Variants in RIT2 observed in about 807,000 individuals in gnomAD.
RIT2 encodes Ras like without CAAX 2.
In RIT2, 24 loss-of-function variants were observed where a neutral mutation model predicts 23.7. The ratio of observed to expected loss-of-function variants is 1.01; its 90% CI spans 0.73 to 1.43. The LOEUF (loss-of-function observed/expected upper bound fraction) is 1.43. Among genes scored for constraint, RIT2 ranks in the 40% most tolerant of loss-of-function variants. The probability of loss-of-function intolerance (pLI) is 0.00; values close to 1 mark genes in which losing one functional copy is unlikely to be tolerated. For synonymous variants in RIT2, 107 were observed against 91.1 expected (o/e 1.17, Z -0.99); for missense variants, 236 against 266.9 (o/e 0.88, Z 0.81).
intron 4 of RIT2, among the ~76,000 whole-genome samples, chr18:42,798,018 T>C (rs1905424294): frequency 6.6e-6 from 1 of 152,230 alleles, no homozygotes; most frequent in East Asian, 1.9e-4. Flanking sequence ...TCTGTTATTC[T>C]AGATCATGAA....
At chr18:42,797,843 T>C (rs1905418516) in intron 4 of RIT2, among the ~76,000 whole-genome samples, 2 of 152,134 alleles carry the variant, frequency 1.3e-5, no homozygotes, top group African/African-American at 4.8e-5. Context: ...TTTTAGAAAA[T>C]ACTGAAATGG....
In RIT2 at chr18:42,857,145, G is replaced by T. The variant is rs569101542; in HGVS notation, c.426+66427C>A. Reference sequence around the variant, plus strand: ...AAGACGTTTTTAATTATCCAACTAGGGTTAGTTGTGATACTAGCATCTAGT... The same window carrying T: ...AAGACGTTTTTAATTATCCAACTAGTGTTAGTTGTGATACTAGCATCTAGT... On this transcript the variant is annotated intron_variant, in intron 4 of 4. Coordinates refer to ENST00000326695, the MANE Select transcript of RIT2 (RefSeq NM_002930.4). Among the ~76,000 whole-genome samples, 13 of 152,194 alleles carry T rather than the reference G, an allele frequency of 8.5e-5. No homozygotes were observed. In the South Asian group the frequency reaches 2.7e-3, roughly 32 times the overall value.
intron 2 of RIT2, among the ~76,000 whole-genome samples, chr18:42,998,053 T>C (rs1377669846): frequency 1.3e-5 from 2 of 152,168 alleles, no homozygotes; most frequent in Admixed American, 6.5e-5. Context: ...TACATTTTTT[T>C]TAACTTACTT....
At chr18:42,929,035 A>ATATATATATATATATC (rs1491433088) in intron 3 of RIT2, among the ~76,000 whole-genome samples, 1 of 8,298 alleles carries the variant, frequency 1.2e-4, no homozygotes, top group Non-Finnish European at 4.3e-4. Flanking sequence ...AAATATGGAG[A>ATATATATATATATATC]TATATATATA....
chr18:42,807,691 A>G lies in RIT2; in HGVS notation c.427-63971T>C, dbSNP rs73486729. ...TATCCTGAGTGAGAATAAAAACATA[A>G]AACAAAACATTTATAGTGCTTGTGC... On this transcript the variant is annotated intron_variant, in intron 4 of 4. Transcript: ENST00000326695. Among the ~76,000 whole-genome samples the G allele has an allele frequency of 2.7e-3, 413 of 152,266 alleles. 5 individuals are homozygous for G. The highest frequency in any genetic ancestry group is 9.5e-3 in the African/African-American group (396 of 41,554).
At chr18:42,866,466 C>G (rs748204699) in intron 4 of RIT2, among the ~76,000 whole-genome samples, 4 of 152,010 alleles carry the variant, frequency 2.6e-5, no homozygotes, top group Admixed American at 2.0e-4. Context: ...CTGCCTTTCC[C>G]AAGCTCTGAT....
intron 4 of RIT2, among the ~76,000 whole-genome samples, chr18:42,754,884 G>A (rs529577839): frequency 6.6e-6 from 1 of 152,158 alleles, no homozygotes; most frequent in Admixed American, 6.6e-5. Flanking sequence ...CTGTATTTTT[G>A]CTATATTGTG....
At chr18:43,029,765 AGAGCAGAG>A (rs1911813166) in intron 2 of RIT2, among the ~76,000 whole-genome samples, 1 of 152,076 alleles carries the variant, frequency 6.6e-6, no homozygotes, top group Non-Finnish European at 1.5e-5. Context: ...AAGGATTAGG[AGAGCAGAG>A]GAGTAAGATA....
chr18:42,967,967 A>G (rs1910275249), intron 3 of RIT2, among the ~76,000 whole-genome samples: 1 of 152,090 alleles, frequency 6.6e-6, no homozygotes, highest in Non-Finnish European at 1.5e-5. Context: ...TAGTTCTTAA[A>G]ATTTAGATAA....
intron 3 of RIT2, among the ~76,000 whole-genome samples, chr18:42,963,379 C>T (rs892138439): frequency 6.6e-6 from 1 of 152,108 alleles, no homozygotes; most frequent in Non-Finnish European, 1.5e-5. Context: ...ATCTGGAAAT[C>T]CATGAGGGGT....
intron 1 of RIT2, among the ~76,000 whole-genome samples, chr18:43,114,554 T>G (rs539391103): frequency 6.6e-5 from 10 of 152,234 alleles, no homozygotes; most frequent in Middle Eastern, 3.4e-3. Flanking sequence ...ATATTCCCAG[T>G]GGAGATATTT....
chr18:42,903,677 C>G (rs1908538476), intron 4 of RIT2, among the ~76,000 whole-genome samples: 1 of 152,028 alleles, frequency 6.6e-6, no homozygotes, highest in Non-Finnish European at 1.5e-5. Context: ...TAAATCAAGT[C>G]CAGAAACTTT....
At chr18:42,877,680 AC>A (rs1395658323) in intron 4 of RIT2, among the ~76,000 whole-genome samples, 1 of 151,618 alleles carries the variant, frequency 6.6e-6, no homozygotes, top group Non-Finnish European at 1.5e-5. Flanking sequence ...AATCTGAAAT[AC>A]CCCCAAATCC....
intron 3 of RIT2, among the ~76,000 whole-genome samples, chr18:42,967,343 T>C (rs1910252146): frequency 6.6e-6 from 1 of 151,892 alleles, no homozygotes; most frequent in East Asian, 1.9e-4. Context: ...CCTTAAAACA[T>C]ACTGTAGAAA....
intron 1 of RIT2, among the ~76,000 whole-genome samples, chr18:43,046,227 T>C (rs1912243505): frequency 6.6e-6 from 1 of 152,176 alleles, no homozygotes; most frequent in African/African-American, 2.4e-5. Context: ...CTGTATGACA[T>C]CTGTTCAAAT....
chr18:42,785,176 A>G (rs983475531), intron 4 of RIT2, among the ~76,000 whole-genome samples: 7 of 152,092 alleles, frequency 4.6e-5, no homozygotes, highest in African/African-American at 1.7e-4. Flanking sequence ...CCTATTTTCC[A>G]GAGCTAGTTG....
intron 4 of RIT2, among the ~76,000 whole-genome samples, chr18:42,816,516 A>G (rs1455700998): frequency 6.6e-6 from 1 of 152,170 alleles, no homozygotes; most frequent in Non-Finnish European, 1.5e-5. Context: ...TTCTCTGCCA[A>G]TAACTGCCTG....
intron 4 of RIT2, among the ~76,000 whole-genome samples, chr18:42,749,453 A>C (rs1249738508): frequency 3.3e-5 from 5 of 151,802 alleles, no homozygotes; most frequent in Non-Finnish European, 7.4e-5. Context: ...GAAAGCAAAA[A>C]CAAGGAAATG....
chr18:42,891,678 C>T (rs1451365915), intron 4 of RIT2, among the ~76,000 whole-genome samples: 2 of 152,050 alleles, frequency 1.3e-5, no homozygotes, highest in East Asian at 1.9e-4. Flanking sequence ...AACAATATGA[C>T]ATTCTGGAAA....
Sources: allele counts gnomAD v4.1 joint callset (sites outside exome capture counted in the v4.1 genomes callset), GRCh38; gene constraint gnomAD v4.1.1; transcripts MANE v1.5; gene names NCBI Gene and HGNC (gene_info 2026-07-23, HGNC 2026-07-21).